The following CCDC136 variants were observed in gnomAD, a reference collection of about 807,000 sequenced individuals.
The protein encoded by CCDC136 is coiled-coil domain-containing protein 136.
A neutral mutation model predicts 141.2 loss-of-function variants in CCDC136; 100 were observed. The ratio of observed to expected loss-of-function variants is 0.71; its 90% CI spans 0.60 to 0.84. The LOEUF is 0.84. Ranked by LOEUF, CCDC136 falls within the 40% of genes least tolerant of loss-of-function variation. The pLI is 0.00. For missense variants in CCDC136, 1,206 were observed against 1,379.4 expected (o/e 0.87, Z 1.99); for synonymous variants, 474 against 531.9 (o/e 0.89, Z 1.50).
At chr7:128,804,588 G>A (rs1300480002) in intron 4 of CCDC136, 62 bp from the exon 5 acceptor site, 2 of 956,134 alleles carry the variant, frequency 2.1e-6, no homozygotes, top group African/African-American at 3.2e-5. Flanking sequence ...GGAAAACTGG[G>A]GGCTGGTCAT....
In CCDC136 at chr7:128,812,898, A is replaced by G. The variant is rs1418844046; in HGVS notation, c.2732A>G (p.Lys911Arg). The change falls in exon 14 of 18, where the codon AAG (lysine) becomes AGG (arginine). Residue 911 changes from lysine (K) to arginine (R), a missense_variant. Transcript: ENST00000297788. ...EFKECMECLEKPMAPQNDKNE... is the reference protein window; with the variant it reads ...EFKECMECLERPMAPQNDKNE... ...AAGGAGTGCATGGAATGCCTTGAAA[A>G]GCCCATGGCCCCCCAGAACGACAAG... 6.2e-7 allele frequency: 1 copy of G among 1,611,112 alleles called. No homozygotes were observed. The highest frequency in any genetic ancestry group is 8.5e-7 in the Non-Finnish European group (1 of 1,178,642).
At position 128,816,816 on chromosome 7, in the gene CCDC136, GA is replaced by G. The variant is rs1260269106; in HGVS notation, c.3363+892del. On this transcript the variant is annotated intron_variant, in intron 16 of 17. Coordinates refer to ENST00000297788, the MANE Select transcript of CCDC136 (RefSeq NM_022742.5). The stretch of plus-strand genomic sequence containing the variant: ...TCTTTCTGTTCTAAACAGAGGTAAA[GA>G]AAAAAAGCCTCTTGTGGTGGGATTA... Among the ~76,000 whole-genome samples, 3 of 152,072 alleles carry G rather than the reference GA, an allele frequency of 2.0e-5. No homozygotes were observed. In the East Asian group the frequency reaches 5.8e-4, roughly 29 times the overall value.
chr7:128,801,102 A>T (rs1223096354), intron 3 of CCDC136, 84 bp from the exon 4 acceptor site: 1 of 952,496 alleles, frequency 1.0e-6, no homozygotes, highest in Admixed American at 2.4e-5. Context: ...ACAAGAAATA[A>T]GTCTCCCTTT....
At chr7:128,802,460 T>G (rs1804192112) in intron 4 of CCDC136, among the ~76,000 whole-genome samples, 1 of 152,068 alleles carries the variant, frequency 6.6e-6, no homozygotes, top group Admixed American at 6.5e-5. Context: ...TGGGCTGGAG[T>G]CAAACAGACC....
intron 3 of CCDC136, among the ~76,000 whole-genome samples, chr7:128,799,769 C>T (rs1405089385): frequency 6.6e-6 from 1 of 152,012 alleles, no homozygotes; most frequent in Non-Finnish European, 1.5e-5. Context: ...AAAATCCTGA[C>T]CCTCCCAACC....
At chr7:128,810,928 C>CA (rs1007650779) in intron 12 of CCDC136, among the ~76,000 whole-genome samples, 32 of 152,176 alleles carry the variant, frequency 2.1e-4, no homozygotes, top group Middle Eastern at 3.2e-3. Flanking sequence ...AGAGCAAGGT[C>CA]ACAGGGGTTA....
intron 4 of CCDC136, among the ~76,000 whole-genome samples, chr7:128,803,816 T>C (rs1209155341): frequency 8.2e-5 from 8 of 98,084 alleles, no homozygotes; most frequent in Non-Finnish European, 1.1e-4. Context: ...AAAGAATTCC[T>C]TTTTTTTTTT....
chr7:128,806,559 T>A (rs1434561450), intron 8 of CCDC136, 129 bp from the exon 9 acceptor site: 1 of 1,059,640 alleles, frequency 9.4e-7, no homozygotes, highest in Non-Finnish European at 1.4e-6. Flanking sequence ...ACATTAGATA[T>A]GAGGACATTA....
intron 10 of CCDC136, chr7:128,808,330 C>A: frequency 2.7e-6 from 1 of 365,274 alleles, no homozygotes; most frequent in Non-Finnish European, 3.8e-6. Flanking sequence ...AGCCGCCATG[C>A]CCTGCCAGTA....
intron 12 of CCDC136, 81 bp from the exon 13 acceptor site, chr7:128,811,719 A>G (rs1805746231): frequency 7.6e-7 from 1 of 1,321,560 alleles, no homozygotes; most frequent in Non-Finnish European, 1.0e-6. Context: ...GTGTGCTCTC[A>G]GACATCTGTA....
At position 128,817,817 on chromosome 7, in the gene CCDC136, C is replaced by T. The variant is rs974702629; in HGVS notation, c.3423C>T (p.Ile1141=). 15 of 1,613,784 alleles carry T rather than the reference C, an allele frequency of 9.3e-6. No individual in the cohort carries two copies. Among genetic ancestry groups the T allele is most frequent in the Non-Finnish European group, 1.2e-5 (14 of 1,179,878 alleles). Residue 1141 remains isoleucine (I), a synonymous_variant, in exon 17 of 18, where the codon ATC becomes ATT. Coordinates refer to ENST00000297788, the MANE Select transcript of CCDC136 (RefSeq NM_022742.5). This position sits in a 1 kb window ranked among gnomAD's most constrained non-coding sequence, Gnocchi z 4.6. ...TGCCTCTTGTAGGCCTGGTGGTCAT[C>T]TCGGCTTTGCTCTGGTGCTGGTGGG... ...FSLPLVGLVV[I]SALLWCWWAE...
intron 3 of CCDC136, among the ~76,000 whole-genome samples, chr7:128,800,738 G>C (rs1428770093): frequency 2.6e-5 from 4 of 152,212 alleles, no homozygotes; most frequent in African/African-American, 7.2e-5. Context: ...CCACAGGTAG[G>C]TCATGGGAAC....
chr7:128,820,468 G>C (rs556256052), intron 17 of CCDC136, among the ~76,000 whole-genome samples: 14 of 152,332 alleles, frequency 9.2e-5, no homozygotes, highest in Non-Finnish European at 7.3e-5. Flanking sequence ...AGTGTGAGGT[G>C]CACGGGTCAC....
chr7:128,794,014 C>T lies in CCDC136; in HGVS notation c.17-334C>T, dbSNP rs745431778. ...CTGTCTCCTTTCTTGACTACTTGTCCTGCTACTCAGAGGCCAGCCTAGAAG... is the reference window on the plus strand; with the variant it reads ...CTGTCTCCTTTCTTGACTACTTGTCTTGCTACTCAGAGGCCAGCCTAGAAG... On this transcript the variant is annotated intron_variant, in intron 1 of 17. Coordinates refer to ENST00000297788, the MANE Select transcript of CCDC136 (RefSeq NM_022742.5). This position sits in a 1 kb window ranked among gnomAD's most constrained non-coding sequence, Gnocchi z 4.3. 5.9e-5 allele frequency among the ~76,000 whole-genome samples: 9 copies of T among 152,210 alleles called. No individual in the cohort carries two copies. Among genetic ancestry groups the T allele is most frequent in the Non-Finnish European group, 1.2e-4 (8 of 68,036 alleles).
chr7:128,811,299 C>CGGAGAGCCTGGGA (rs111409895), intron 12 of CCDC136: 1 of 456,088 alleles, frequency 2.2e-6, no homozygotes, highest in East Asian at 7.0e-5. Flanking sequence ...AAGCCAGGCC[C>CGGAGAGCCTGGGA]AACATGCCCA....
In CCDC136 at chr7:128,811,796, C is replaced by T; in HGVS notation, c.2029-4C>T. The stretch of plus-strand genomic sequence containing the variant: ...TGATACTGTCTCCCCACCCCTGCCC[C>T]CAGCAATCCAAGCTGCTCATGGAGC... On this transcript the variant is annotated splice_polypyrimidine_tract_variant and splice_region_variant and intron_variant, in intron 12 of 17. Coordinates refer to ENST00000297788, the MANE Select transcript of CCDC136 (RefSeq NM_022742.5). 1 of 1,565,774 alleles carries T rather than the reference C, an allele frequency of 6.4e-7. No homozygotes were observed. Among genetic ancestry groups the T allele is most frequent in the South Asian group, 1.2e-5 (1 of 82,494 alleles).
chr7:128,811,804 C>T lies in CCDC136; in HGVS notation c.2033C>T (p.Ser678Phe), dbSNP rs780461254. 6.6e-5 allele frequency: 104 copies of T among 1,570,836 alleles called. No individual in the cohort carries two copies. The highest frequency in any genetic ancestry group is 8.3e-5 in the Non-Finnish European group (97 of 1,161,994). The change falls in exon 13 of 18, where the codon TCC becomes TTC. Residue 678 changes from serine to phenylalanine, a missense_variant. Transcript: ENST00000297788. ...KSSKCNRNKQ[S>F]KLLMEQMQAL... The stretch of plus-strand genomic sequence containing the variant: ...TCTCCCCACCCCTGCCCCCAGCAAT[C>T]CAAGCTGCTCATGGAGCAGATGCAG...
chr7:128,792,909 G>A (rs1214726514), intron 1 of CCDC136, among the ~76,000 whole-genome samples: 4 of 152,184 alleles, frequency 2.6e-5, no homozygotes, highest in Admixed American at 6.5e-5. Context: ...GAGGGGGCGC[G>A]TGAGGCCATC....
intron 5 of CCDC136, 28 bp downstream of exon 5, chr7:128,804,789 T>A: frequency 7.1e-7 from 1 of 1,412,192 alleles, no homozygotes; most frequent in Non-Finnish European, 9.9e-7. Context: ...GAGTGAGAGG[T>A]CATGGGGTTC....
Sources: allele counts gnomAD v4.1 joint callset (sites outside exome capture counted in the v4.1 genomes callset), GRCh38; gene constraint gnomAD v4.1.1; non-coding constraint Gnocchi (gnomAD v3.1); transcripts MANE v1.5; gene names NCBI Gene and HGNC (gene_info 2026-07-23, HGNC 2026-07-21).